The following LIPA variants were observed in gnomAD, a reference collection of about 807,000 sequenced individuals.
LIPA encodes the protein lipase A, lysosomal acid type.
LIPA carries 26 observed loss-of-function variants against 40.6 expected under a neutral mutation model. That is an observed-to-expected ratio of 0.64 (90% confidence interval 0.47 to 0.89). The LOEUF is 0.89. Among genes scored for constraint, LIPA ranks in the 40% least tolerant of loss-of-function variants. The pLI, the probability that LIPA is intolerant of heterozygous loss-of-function variation, is 0.00. For missense variants in LIPA, 455 were observed against 479.6 expected (o/e 0.95, Z 0.48); for synonymous variants, 188 against 168.4 (o/e 1.12, Z -0.90).
intron 1 of LIPA, 88 bp from the exon 2 acceptor site, chr10:89,247,737 G>T: frequency 1.1e-6 from 1 of 942,424 alleles, no homozygotes; most frequent in Non-Finnish European, 1.7e-6. Context: ...AAAAAGTTCT[G>T]AACCAGATTT....
At chr10:89,319,241 A>AG in intron 1 of LIPA, among the ~76,000 whole-genome samples, 1 of 152,202 alleles carries the variant, frequency 6.6e-6, no homozygotes, top group Non-Finnish European at 1.5e-5. Flanking sequence ...ATAGAGACAA[A>AG]AAACCCTTCA....
intron 1 of LIPA, among the ~76,000 whole-genome samples, chr10:89,329,464 AG>A (rs960784777): frequency 6.6e-6 from 1 of 152,076 alleles, no homozygotes; most frequent in African/African-American, 2.4e-5. Flanking sequence ...AGGAGGTCTG[AG>A]GGGGGCTCTC....
At chr10:89,404,561 G>T (rs971951596) in intron 2 of LIPA, 4 of 152,176 alleles carry the variant, frequency 2.6e-5, no homozygotes, top group African/African-American at 9.7e-5. Flanking sequence ...TTAACTATGT[G>T]TGTCTAGCCA....
chr10:89,225,335 C>CA, intron 5 of LIPA, 107 bp from the exon 6 acceptor site: 1 of 1,360,540 alleles, frequency 7.4e-7, no homozygotes. Flanking sequence ...GCCTGAGACC[C>CA]ACGCAAACAA....
exon 2 of LIPA, chr10:89,412,884 C>T (rs772630396): frequency 1.5e-4 from 40 of 268,314 alleles, no homozygotes; most frequent in African/African-American, 6.9e-4. Context: ...AGCGAGAGTC[C>T]GCAGCTTCAT....
intron 1 of LIPA, among the ~76,000 whole-genome samples, chr10:89,264,034 C>T (rs1197926820): frequency 6.6e-6 from 1 of 152,218 alleles, no homozygotes; most frequent in Non-Finnish European, 1.5e-5. Flanking sequence ...AGCCAGAAAC[C>T]ACAGTGCCCC....
intron 8 of LIPA, 61 bp downstream of exon 8, chr10:89,222,450 T>A (rs1429734692): frequency 5.8e-6 from 6 of 1,026,094 alleles, no homozygotes; most frequent in Non-Finnish European, 9.3e-6. Context: ...AGGGTTTGCA[T>A]GCCCAGACCT....
intron 9 of LIPA, among the ~76,000 whole-genome samples, 164 bp downstream of exon 9, chr10:89,215,774 A>G (rs1842617811): frequency 6.6e-6 from 1 of 152,240 alleles, no homozygotes; most frequent in Non-Finnish European, 1.5e-5. Context: ...AACACCAGCT[A>G]CAAAGCTTGG....
intron 1 of LIPA, among the ~76,000 whole-genome samples, chr10:89,250,536 A>T (rs1231931852): frequency 6.6e-6 from 1 of 152,192 alleles, no homozygotes; most frequent in East Asian, 1.9e-4. Flanking sequence ...TTTTATCATA[A>T]ATGCAACCTC....
chr10:89,329,156 C>T (rs996779305), intron 1 of LIPA, among the ~76,000 whole-genome samples: 1 of 152,118 alleles, frequency 6.6e-6, no homozygotes, highest in Admixed American at 6.6e-5. Flanking sequence ...AGGGAAGACC[C>T]CATCGACCAT....
At chr10:89,360,132 A>G (rs909064582) in intron 2 of LIPA, among the ~76,000 whole-genome samples, 1 of 152,218 alleles carries the variant, frequency 6.6e-6, no homozygotes. Context: ...ACATATGAGA[A>G]TGAACTATCT....
intron 1 of LIPA, among the ~76,000 whole-genome samples, chr10:89,310,866 C>T (rs1843511767): frequency 6.6e-6 from 1 of 152,150 alleles, no homozygotes; most frequent in Admixed American, 6.5e-5. Flanking sequence ...ACCCCAGAGC[C>T]TTGGTTTATG....
intron 2 of LIPA, chr10:89,403,068 G>A (rs778912402): frequency 6.2e-7 from 1 of 1,614,198 alleles, no homozygotes; most frequent in Admixed American, 1.7e-5. Flanking sequence ...CCGAAGAAAA[G>A]GCTCTGTGGA....
chr10:89,303,714 A>G (rs781444544), intron 1 of LIPA, among the ~76,000 whole-genome samples: 8 of 152,194 alleles, frequency 5.3e-5, no homozygotes, highest in East Asian at 1.9e-4. Context: ...CCTCAATTCT[A>G]TTTACTCTCT....
intron 2 of LIPA, among the ~76,000 whole-genome samples, chr10:89,351,683 C>A (rs1843959423): frequency 6.6e-6 from 1 of 152,150 alleles, no homozygotes; most frequent in African/African-American, 2.4e-5. Context: ...GCAACAAAAC[C>A]AAGATACTTT....
chr10:89,347,317 T>A (rs1329080168), upstream of LIPA, among the ~76,000 whole-genome samples: 1 of 152,214 alleles, frequency 6.6e-6, no homozygotes, highest in Admixed American at 6.5e-5. Context: ...TGATCATGTA[T>A]GCACCCTCTG....
intron 1 of LIPA, chr10:89,328,023 A>G: frequency 6.2e-7 from 1 of 1,612,252 alleles, no homozygotes; most frequent in Non-Finnish European, 8.5e-7. Context: ...CTGAAGAACA[A>G]ATCAGCCTGG....
chr10:89,356,592 T>C (rs888527127), intron 2 of LIPA, among the ~76,000 whole-genome samples: 1 of 152,210 alleles, frequency 6.6e-6, no homozygotes, highest in Non-Finnish European at 1.5e-5. Flanking sequence ...GAGAATCTAA[T>C]GCCTGCTGAT....
At chr10:89,261,662 A>G (rs74329346) in intron 1 of LIPA, among the ~76,000 whole-genome samples, 7,017 of 152,314 alleles carry the variant, frequency 0.046, 559 homozygotes, top group African/African-American at 0.16. Flanking sequence ...ACTCATTGGC[A>G]TAGGTCAAGT....
Sources: gnomAD v4.1 joint callset for allele counts (sites outside exome capture counted in the v4.1 genomes callset) on GRCh38, gnomAD v4.1.1 for gene constraint, MANE v1.5 for transcripts, NCBI Gene and HGNC (gene_info 2026-07-23, HGNC 2026-07-21) for gene names.